Variants in CSTF3 observed in about 807,000 individuals in gnomAD.
The protein encoded by CSTF3 is cleavage stimulation factor subunit 3.
CSTF3 carries 29 observed loss-of-function variants against 105.8 expected under a neutral mutation model. That is an observed-to-expected ratio of 0.27 (90% CI 0.20 to 0.37). The LOEUF (loss-of-function observed/expected upper bound fraction) is 0.37. Among genes scored for constraint, CSTF3 ranks in the 10% least tolerant of loss-of-function variants. The probability of loss-of-function intolerance (pLI) is 1.00; values close to 1 mark genes in which losing one functional copy is unlikely to be tolerated. For synonymous variants in CSTF3, 252 were observed against 281.9 expected, an observed-to-expected ratio of 0.89 and a Z score of 1.06; for missense variants, 357 against 879.3, an observed-to-expected ratio of 0.41 and a Z score of 7.51.
intron 1 of CSTF3, 123 bp downstream of exon 1, chr11:33,161,176 A>G (rs1418645633): frequency 1.1e-5 from 11 of 1,019,048 alleles, no homozygotes; most frequent in Non-Finnish European, 1.6e-5. Flanking sequence ...CCACTCTTCT[A>G]TATACCCTGT....
At chr11:33,143,765 C>A (rs1299322681) in intron 1 of CSTF3, among the ~76,000 whole-genome samples, 3 of 149,808 alleles carry the variant, frequency 2.0e-5, no homozygotes, top group Non-Finnish European at 4.4e-5. Context: ...CTGAGACAGG[C>A]AGATTACAAG....
chr11:33,141,046 AT>A (rs1855705644), intron 3 of CSTF3: 1 of 152,064 alleles, frequency 6.6e-6, no homozygotes, highest in African/African-American at 2.4e-5. Flanking sequence ...ATTTCAAGAT[AT>A]AAAAAGCAAG....
At chr11:33,104,847 AT>A (rs1855312352) in intron 8 of CSTF3, among the ~76,000 whole-genome samples, 1 of 152,230 alleles carries the variant, frequency 6.6e-6, no homozygotes, top group Admixed American at 6.5e-5. Context: ...ACCACAGCTG[AT>A]GCCTGTGAGG....
intron 3 of CSTF3, among the ~76,000 whole-genome samples, chr11:33,126,450 CAA>C (rs1017398922): frequency 7.2e-6 from 1 of 139,076 alleles, no homozygotes; most frequent in Non-Finnish European, 1.6e-5. Flanking sequence ...AACCTGACTC[CAA>C]AAAAAAAAAG....
chr11:33,130,176 C>T (rs1042700741), intron 3 of CSTF3, among the ~76,000 whole-genome samples: 1 of 152,092 alleles, frequency 6.6e-6, no homozygotes, highest in African/African-American at 2.4e-5. Context: ...TTAGTAAAAA[C>T]TTCCTTTTAG....
intron 3 of CSTF3, among the ~76,000 whole-genome samples, chr11:33,131,557 T>A (rs1164427679): frequency 6.6e-6 from 1 of 152,052 alleles, no homozygotes; most frequent in Non-Finnish European, 1.5e-5. Flanking sequence ...TTAAATTAGA[T>A]TTGAACAGGC....
chr11:33,160,111 T>A (rs967223382), intron 1 of CSTF3, among the ~76,000 whole-genome samples: 6 of 151,404 alleles, frequency 4.0e-5, no homozygotes, highest in Non-Finnish European at 1.5e-5. Flanking sequence ...AAATACTAGA[T>A]CAGAAAAGGG....
intron 16 of CSTF3, among the ~76,000 whole-genome samples, 185 bp downstream of exon 16, chr11:33,092,084 CTG>C (rs143361944): frequency 0.029 from 4,425 of 152,228 alleles, 97 homozygotes; most frequent in Middle Eastern, 0.058. Context: ...ATTCTAATCA[CTG>C]TGCAGAAATT....
chr11:33,085,301 AAAC>A lies in CSTF3; in HGVS notation c.1952-15_1952-13del. 6.6e-7 allele frequency: 1 copy of A among 1,521,992 alleles called. No homozygotes were observed. The highest frequency in any genetic ancestry group is 8.8e-7 in the Non-Finnish European group (1 of 1,137,658). The allele number at this position is 1,521,992 out of a possible 1,614,324, so 94.3% of individuals were successfully genotyped here. On this transcript the variant is annotated splice_polypyrimidine_tract_variant and intron_variant, in intron 20 of 20. Coordinates refer to ENST00000323959, the MANE Select transcript of CSTF3 (RefSeq NM_001326.3). ...AGCTTCCTCAACAGCTATTAAAACA[AAAC>A]AACAAAACGTAAAAACATATTCCAC...
intron 1 of CSTF3, among the ~76,000 whole-genome samples, chr11:33,160,455 G>A (rs758145664): frequency 6.6e-6 from 1 of 152,140 alleles, no homozygotes; most frequent in Non-Finnish European, 1.5e-5. Context: ...CTCCATTTTA[G>A]AAACTGTATT....
intron 3 of CSTF3, 80 bp from the exon 4 acceptor site, chr11:33,108,498 A>G: frequency 1.7e-6 from 2 of 1,167,572 alleles, no homozygotes; most frequent in South Asian, 2.2e-5. Context: ...TTTTTAACCA[A>G]CTTTGCAAAT....
At chr11:33,139,744 G>A (rs11032158) in intron 3 of CSTF3, among the ~76,000 whole-genome samples, 31,250 of 151,536 alleles carry the variant, frequency 0.21, 3,884 homozygotes, top group East Asian at 0.35. Flanking sequence ...CTATTTGTGC[G>A]CGTGTGTATG....
Position 33,099,747 on chromosome 11 carries a change from A to T in CSTF3, c.827-30T>A. ...GGGAAGAAATTAACAAACAATATTCAATTAAAATAATTATTATTTGTAAAA... is the reference window on the plus strand; with the variant it reads ...GGGAAGAAATTAACAAACAATATTCTATTAAAATAATTATTATTTGTAAAA... On this transcript the variant is annotated intron_variant, in intron 10 of 20. Coordinates refer to ENST00000323959, the MANE Select transcript of CSTF3 (RefSeq NM_001326.3). The surrounding 1 kb of genome is among the most constrained non-coding windows in gnomAD (Gnocchi z 4.1). 1 of 1,300,140 alleles carries T rather than the reference A, an allele frequency of 7.7e-7. No homozygotes were observed. Among genetic ancestry groups the T allele is most frequent in the Non-Finnish European group, 1.1e-6 (1 of 935,752 alleles). The allele number at this position is 1,300,140 out of a possible 1,614,324, so 80.5% of individuals were successfully genotyped here.
intron 15 of CSTF3, among the ~76,000 whole-genome samples, chr11:33,095,924 T>A (rs1208345717): frequency 6.6e-6 from 1 of 152,220 alleles, no homozygotes; most frequent in Non-Finnish European, 1.5e-5. Flanking sequence ...CTTTACTATT[T>A]GGGCATCTTT....
At chr11:33,156,798 C>G (rs1472838851) in intron 1 of CSTF3, 1 of 434,780 alleles carries the variant, frequency 2.3e-6, no homozygotes, top group Non-Finnish European at 4.5e-6. Flanking sequence ...GAGACCTCGT[C>G]TCTACCTAAA....
chr11:33,128,467 T>C (rs1477531866), intron 3 of CSTF3, among the ~76,000 whole-genome samples: 2 of 151,994 alleles, frequency 1.3e-5, no homozygotes, highest in Non-Finnish European at 2.9e-5. Flanking sequence ...GGCATTTGAG[T>C]AAAATAAGGG....
chr11:33,090,695 C>A lies in CSTF3; in HGVS notation c.1478G>T (p.Ser493Ile). 1 of 1,555,400 alleles carries A rather than the reference C, an allele frequency of 6.4e-7. No homozygotes were observed. The highest frequency in any genetic ancestry group is 8.7e-7 in the Non-Finnish European group (1 of 1,155,762). ...EIWARFLAFE[S>I]NIGDLASILK... Reference sequence around the variant, plus strand: ...TATACTAGCTAGATCACCAATATTACTTTCAAATGCTAGAAATCGGGCCCA... The same window carrying A: ...TATACTAGCTAGATCACCAATATTAATTTCAAATGCTAGAAATCGGGCCCA... The change falls in exon 17 of 21, where the codon AGT (serine) becomes ATT (isoleucine). Residue 493 changes from serine to isoleucine, a missense_variant. This residue lies in a region of CSTF3 where 206 missense variants were observed against 576.5 expected (regional missense o/e 0.36). Transcript: ENST00000323959.
At chr11:33,137,024 T>C (rs979048003) in intron 3 of CSTF3, among the ~76,000 whole-genome samples, 1 of 151,866 alleles carries the variant, frequency 6.6e-6, no homozygotes, top group African/African-American at 2.4e-5. Flanking sequence ...GCATTTTTTA[T>C]CATAAACCTT....
intron 1 of CSTF3, among the ~76,000 whole-genome samples, chr11:33,152,189 G>A (rs945524370): frequency 3.3e-5 from 5 of 152,152 alleles, no homozygotes; most frequent in South Asian, 4.1e-4. Flanking sequence ...GGCGGGGAGG[G>A]GCAGAGGTTC....
Sources: gnomAD v4.1 joint callset for allele counts (sites outside exome capture counted in the v4.1 genomes callset) on GRCh38, gnomAD v4.1.1 for gene constraint, gnomAD v4.1.1 regional missense constraint, Gnocchi (gnomAD v3.1) non-coding constraint, MANE v1.5 for transcripts, NCBI Gene and HGNC (gene_info 2026-07-23, HGNC 2026-07-21) for gene names.